Variants in SUCLG2 observed in about 807,000 individuals in gnomAD.
SUCLG2 encodes the protein succinate--CoA ligase [GDP-forming] subunit beta, mitochondrial.
SUCLG2 carries 42 observed loss-of-function variants against 47.9 expected under a neutral mutation model. That is an observed-to-expected ratio of 0.88 (90% CI 0.69 to 1.14). The LOEUF is 1.14. Among genes scored for constraint, SUCLG2 ranks in the 50% most tolerant of loss-of-function variants. SUCLG2 has a pLI of 0.00. For missense variants in SUCLG2, 571 were observed against 525.9 expected, an observed-to-expected ratio of 1.09 and a Z score of -0.84; for synonymous variants, 195 against 197.3, an observed-to-expected ratio of 0.99 and a Z score of 0.10.
rs369398019 is a variant in SUCLG2, at chr3:67,400,826, A to T, written c.1088T>A (p.Phe363Tyr). The T allele has an allele frequency of 6.2e-7, 1 of 1,613,052 alleles. No individual in the cohort carries two copies. The highest frequency in any genetic ancestry group is 8.5e-7 in the Non-Finnish European group (1 of 1,179,900). ...GATGGCACAGTTGACGATACCACCA[A>T]ATATATTGACAAGGATGGCTTCAAC... ...PKVEAILVNI[F>Y]GGIVNCAIIA... The change falls in exon 10 of 11, where the codon TTT becomes TAT. Residue 363 changes from phenylalanine to tyrosine, a missense_variant. Physicochemically the swap from Phe to Tyr is conservative, Grantham distance 22. Transcript: ENST00000307227.
intron 9 of SUCLG2, chr3:67,409,158 T>C (rs1475659483): frequency 3.5e-6 from 4 of 1,131,234 alleles, no homozygotes; most frequent in Non-Finnish European, 4.9e-6. Context: ...CTCATGGTTT[T>C]GGCATTTCCT....
At chr3:67,374,126 C>G (rs1446302997), downstream of SUCLG2, among the ~76,000 whole-genome samples, 1 of 152,064 alleles carries the variant, frequency 6.6e-6, no homozygotes, top group East Asian at 1.9e-4. Flanking sequence ...ATTTTTTTTA[C>G]TGCACCAACT....
intron 1 of SUCLG2, among the ~76,000 whole-genome samples, chr3:67,649,300 C>T (rs764577366): frequency 6.6e-6 from 1 of 152,162 alleles, no homozygotes; most frequent in African/African-American, 2.4e-5. Context: ...TACCTCTGTG[C>T]CCTCTGAAGG....
At chr3:67,503,595 G>A (rs973992657) in intron 7 of SUCLG2, among the ~76,000 whole-genome samples, 5 of 152,060 alleles carry the variant, frequency 3.3e-5, no homozygotes, top group Admixed American at 6.6e-5. Flanking sequence ...AGCTTGGTCC[G>A]GACCTTAAGA....
chr3:67,542,927 A>T (rs889089144), intron 2 of SUCLG2, among the ~76,000 whole-genome samples: 1 of 152,206 alleles, frequency 6.6e-6, no homozygotes, highest in Admixed American at 6.5e-5. Flanking sequence ...GAAAATTAAC[A>T]AGGATATTCA....
chr3:67,480,432 C>G (rs1054372268), intron 9 of SUCLG2, among the ~76,000 whole-genome samples: 3 of 152,228 alleles, frequency 2.0e-5, no homozygotes, highest in Non-Finnish European at 4.4e-5. Context: ...GCATTTCTCA[C>G]AGATTACCAG....
intron 7 of SUCLG2, among the ~76,000 whole-genome samples, chr3:67,504,478 C>G (rs959609500): frequency 6.6e-6 from 1 of 152,232 alleles, no homozygotes; most frequent in Admixed American, 6.5e-5. Flanking sequence ...CAGATAGTCA[C>G]TGCTTCAAAT....
chr3:67,376,478 T>C (rs1249815909), intron 10 of SUCLG2: 1 of 985,334 alleles, frequency 1.0e-6, no homozygotes, highest in African/African-American at 1.7e-5. Flanking sequence ...TGAGAACTGC[T>C]TTTCTGCCAT....
chr3:67,653,039 C>T (rs1263872009), intron 1 of SUCLG2, among the ~76,000 whole-genome samples: 2 of 152,226 alleles, frequency 1.3e-5, no homozygotes, highest in Non-Finnish European at 2.9e-5. Flanking sequence ...CTCTCCCCAA[C>T]CAGATTTTCT....
chr3:67,389,912 C>A (rs1208985133), intron 10 of SUCLG2, among the ~76,000 whole-genome samples: 1 of 152,174 alleles, frequency 6.6e-6, no homozygotes, highest in Non-Finnish European at 1.5e-5. Context: ...CAACACACAC[C>A]ATTGTCTAGC....
intron 10 of SUCLG2, among the ~76,000 whole-genome samples, chr3:67,388,896 A>G (rs1702315559): frequency 6.6e-6 from 1 of 152,160 alleles, no homozygotes; most frequent in South Asian, 2.1e-4. Context: ...GCAAAGGAAG[A>G]AGGAAGGAGT....
At chr3:67,604,223 A>T (rs143395828) in intron 2 of SUCLG2, among the ~76,000 whole-genome samples, 172 of 152,374 alleles carry the variant, frequency 1.1e-3, no homozygotes, top group African/African-American at 4.1e-3. Context: ...ACTACACAGC[A>T]AAAGGTTCTA....
intron 9 of SUCLG2, among the ~76,000 whole-genome samples, chr3:67,417,528 AT>A (rs1281284592): frequency 6.6e-6 from 1 of 152,252 alleles, no homozygotes; most frequent in Admixed American, 6.5e-5. Flanking sequence ...GATGCCTACA[AT>A]ACTTTTTAAC....
At chr3:67,373,033 C>T (rs912004672), downstream of SUCLG2, among the ~76,000 whole-genome samples, 15 of 152,136 alleles carry the variant, frequency 9.9e-5, no homozygotes, top group Non-Finnish European at 1.8e-4. Context: ...AGTTTGCCAA[C>T]TCCAGATCTA....
chr3:67,474,216 C>T (rs997511006), intron 9 of SUCLG2, among the ~76,000 whole-genome samples: 1 of 151,492 alleles, frequency 6.6e-6, no homozygotes, highest in Admixed American at 6.6e-5. Flanking sequence ...GCCGAGATTG[C>T]GCCACTGCAC....
intron 2 of SUCLG2, among the ~76,000 whole-genome samples, chr3:67,572,840 A>C (rs1014845615): frequency 1.3e-5 from 2 of 152,214 alleles, no homozygotes; most frequent in African/African-American, 4.8e-5. Flanking sequence ...AAGGAAAAAA[A>C]AAGGCATTCA....
intron 9 of SUCLG2, among the ~76,000 whole-genome samples, chr3:67,451,991 C>T (rs899538131): frequency 4.6e-5 from 7 of 152,112 alleles, no homozygotes; most frequent in African/African-American, 1.7e-4. Flanking sequence ...CATTAGAAGC[C>T]AGGTTAACTG....
intron 2 of SUCLG2, among the ~76,000 whole-genome samples, chr3:67,567,215 T>C (rs1016683641): frequency 2.0e-5 from 3 of 150,938 alleles, no homozygotes; most frequent in Non-Finnish European, 4.4e-5. Flanking sequence ...GGAGGAAAAA[T>C]ATCAATGGAA....
chr3:67,613,278 G>T (rs1700564610), intron 1 of SUCLG2, among the ~76,000 whole-genome samples: 1 of 152,024 alleles, frequency 6.6e-6, no homozygotes, highest in Non-Finnish European at 1.5e-5. Context: ...GCTACCTAGT[G>T]GACTCCAACC....
Sources: gnomAD v4.1 joint callset for allele counts (sites outside exome capture counted in the v4.1 genomes callset) on GRCh38, gnomAD v4.1.1 for gene constraint, MANE v1.5 for transcripts, NCBI Gene and HGNC (gene_info 2026-07-23, HGNC 2026-07-21) for gene names.